GBF1: variants seen among roughly 807,000 people sequenced by gnomAD.
GBF1 encodes Golgi-specific brefeldin A-resistance guanine nucleotide exchange factor 1.
Under a neutral mutation model 210.5 loss-of-function variants are expected in GBF1, and 114 were observed. The observed-to-expected ratio is 0.54, with a 90% CI of 0.47 to 0.63. The LOEUF is 0.63. Ranked by LOEUF, GBF1 falls within the 30% of genes least tolerant of loss-of-function variation. GBF1 has a pLI of 0.00. For synonymous variants in GBF1, 850 were observed against 889.2 expected, an observed-to-expected ratio of 0.96 and a Z score of 0.78; for missense variants, 1,851 against 2,357.7, an observed-to-expected ratio of 0.79 and a Z score of 4.45.
intron 1 of GBF1, among the ~76,000 whole-genome samples, chr10:102,253,040 C>T (rs1278871001): frequency 1.3e-5 from 2 of 151,776 alleles, no homozygotes; most frequent in African/African-American, 4.8e-5. Context: ...GATTACAGGC[C>T]CCTGCCATCA....
chr10:102,375,033 G>T (rs1344020891), intron 29 of GBF1, among the ~76,000 whole-genome samples: 2 of 151,808 alleles, frequency 1.3e-5, no homozygotes, highest in African/African-American at 4.8e-5. Flanking sequence ...AATTAGCCAG[G>T]TGTGGTCACA....
At chr10:102,342,361 G>A (rs11191265) in intron 3 of GBF1, among the ~76,000 whole-genome samples, 17,419 of 151,406 alleles carry the variant, frequency 0.12, 1,263 homozygotes, top group East Asian at 0.26. Flanking sequence ...TTAAAAGTAC[G>A]TTATGTATTT....
intron 39 of GBF1, 150 bp from the exon 40 acceptor site, chr10:102,381,906 G>A (rs2060880893): frequency 1.9e-6 from 1 of 527,036 alleles, no homozygotes; most frequent in Non-Finnish European, 3.3e-6. Flanking sequence ...GTTTTGAGGG[G>A]AGACTCCCAA....
rs1565171852 is a variant in GBF1, at chr10:102,368,471, CT to C, written c.2879+19del. On this transcript the variant is annotated intron_variant, in intron 22 of 39. Coordinates refer to ENST00000369983, the MANE Select transcript of GBF1 (RefSeq NM_001377137.1). Reference sequence around the variant, plus strand: ...AGGCTTCAGGTAGCCCAGCTTTGGCCTTGGTCTTCACCTCCCACTAGCTCTG... The same window carrying C: ...AGGCTTCAGGTAGCCCAGCTTTGGCCTGGTCTTCACCTCCCACTAGCTCTG... 3.5e-6 allele frequency: 5 copies of C among 1,424,024 alleles called. No homozygotes were observed. The highest frequency in any genetic ancestry group is 3.3e-5 in the Admixed American group (2 of 59,822). The allele number at this position is 1,424,024 out of a possible 1,614,324, so 88.2% of individuals were successfully genotyped here.
intron 3 of GBF1, among the ~76,000 whole-genome samples, chr10:102,339,062 G>A (rs1490976374): frequency 6.6e-6 from 1 of 152,028 alleles, no homozygotes; most frequent in Non-Finnish European, 1.5e-5. Context: ...TCACACCACT[G>A]TTATTAAGAC....
intron 1 of GBF1, among the ~76,000 whole-genome samples, chr10:102,247,452 C>T (rs2070984771): frequency 6.6e-6 from 1 of 152,156 alleles, no homozygotes; most frequent in Admixed American, 6.5e-5. Flanking sequence ...AATGAAATGA[C>T]ATACCTCAGG....
At chr10:102,275,257 G>A (rs1444362758) in intron 3 of GBF1, among the ~76,000 whole-genome samples, 1 of 152,174 alleles carries the variant, frequency 6.6e-6, no homozygotes, top group African/African-American at 2.4e-5. Flanking sequence ...AATAACAAAA[G>A]TGTTTTTTAG....
At chr10:102,297,155 C>T (rs2076976962) in intron 3 of GBF1, among the ~76,000 whole-genome samples, 1 of 152,176 alleles carries the variant, frequency 6.6e-6, no homozygotes, top group Non-Finnish European at 1.5e-5. Flanking sequence ...ATTTGGTCCC[C>T]AAGTGACATT....
Position 102,370,825 on chromosome 10 carries a change from A to T in GBF1, c.3625A>T (p.Ile1209Phe). The T allele has an allele frequency of 6.2e-7, 1 of 1,614,152 alleles. No homozygotes were observed. Among genetic ancestry groups the T allele is most frequent in the Non-Finnish European group, 8.5e-7 (1 of 1,179,996 alleles). ...RAVVGLLRLAIRLLRREEISA... is the reference protein window; with the variant it reads ...RAVVGLLRLAFRLLRREEISA... ...AGTGGTGGGGTTGCTACGCCTGGCCATTCGGCTTCTCCGGAGAGAAGAGAT... is the reference window on the plus strand; with the variant it reads ...AGTGGTGGGGTTGCTACGCCTGGCCTTTCGGCTTCTCCGGAGAGAAGAGAT... Residue 1209 changes from isoleucine to phenylalanine, a missense_variant, in exon 29 of 40, where the codon ATT becomes TTT. By Grantham distance (21) the Ile-to-Phe change is conservative. Transcript: ENST00000369983.
At chr10:102,288,446 T>C (rs1241879109) in intron 3 of GBF1, among the ~76,000 whole-genome samples, 5 of 151,550 alleles carry the variant, frequency 3.3e-5, no homozygotes, top group Non-Finnish European at 7.4e-5. Flanking sequence ...GCGCGGTGGC[T>C]CACGCCTGTA....
chr10:102,379,448 G>A lies in GBF1; in HGVS notation c.4645+14G>A. 6.2e-7 allele frequency: 1 copy of A among 1,614,072 alleles called. No homozygotes were observed. Among genetic ancestry groups the A allele is most frequent in the Non-Finnish European group, 8.5e-7 (1 of 1,179,998 alleles). On this transcript the variant is annotated intron_variant, in intron 34 of 39. Transcript: ENST00000369983. Reference sequence around the variant, plus strand: ...CTTTACTGCAGGGTAAACCAGGAGGGGCAGAGGTAGGGAGTTTGGGGAGCA... The same window carrying A: ...CTTTACTGCAGGGTAAACCAGGAGGAGCAGAGGTAGGGAGTTTGGGGAGCA...
At chr10:102,359,702 G>A (rs2059485293) in intron 11 of GBF1, among the ~76,000 whole-genome samples, 1 of 151,388 alleles carries the variant, frequency 6.6e-6, no homozygotes, top group Non-Finnish European at 1.5e-5. Context: ...CAGAAAGGTA[G>A]GATCATCAAT....
chr10:102,307,724 G>A (rs1393926889), intron 3 of GBF1, among the ~76,000 whole-genome samples: 1 of 152,102 alleles, frequency 6.6e-6, no homozygotes. Flanking sequence ...CCGGGAGGCA[G>A]AGTTGCAACG....
chr10:102,366,653 C>T lies in GBF1; in HGVS notation c.2433+147C>T. The T allele has an allele frequency of 1.4e-6, 1 of 694,170 alleles. No homozygotes were observed. Among genetic ancestry groups the T allele is most frequent in the Non-Finnish European group, 2.3e-6 (1 of 430,850 alleles). The allele number at this position is 694,170 out of a possible 1,614,324, so 43.0% of individuals were successfully genotyped here. ...CCAGGCTGGAGTGCAGTAGCGCAGT[C>T]TCAGCACACTGCAACCTCCACCCCC... On this transcript the variant is annotated intron_variant, in intron 19 of 39. Transcript: ENST00000369983. This position sits in a 1 kb window ranked among gnomAD's most constrained non-coding sequence, Gnocchi z 4.0.
intron 3 of GBF1, among the ~76,000 whole-genome samples, chr10:102,301,797 A>T (rs1013817333): frequency 2.0e-5 from 3 of 150,176 alleles, no homozygotes; most frequent in Admixed American, 1.3e-4. Flanking sequence ...AGCTGGGCAG[A>T]GGGGCTCCTC....
intron 3 of GBF1, among the ~76,000 whole-genome samples, chr10:102,306,078 A>G (rs2077840814): frequency 6.6e-6 from 1 of 152,202 alleles, no homozygotes; most frequent in Non-Finnish European, 1.5e-5. Context: ...GATACCTAAG[A>G]AGAAGCCTGA....
rs751376850 is a variant in GBF1 at position 102,379,876 on chromosome 10, G to A, written c.4800G>A (p.Lys1600=). ...FNKVLFPLLT[K]LLENISPADV... Reference sequence around the variant, plus strand: ...AGGTGCTGTTTCCTCTACTTACCAAGCTCTTGGAGAACATCAGCCCTGCAG... The same window carrying A: ...AGGTGCTGTTTCCTCTACTTACCAAACTCTTGGAGAACATCAGCCCTGCAG... The change falls in exon 36 of 40, where the codon AAG becomes AAA. Residue 1600 remains lysine, a synonymous_variant. Coordinates refer to ENST00000369983, the MANE Select transcript of GBF1 (RefSeq NM_001377137.1). 6.2e-7 allele frequency: 1 copy of A among 1,613,590 alleles called. No individual in the cohort carries two copies. The highest frequency in any genetic ancestry group is 2.2e-5 in the East Asian group (1 of 44,876).
intron 3 of GBF1, among the ~76,000 whole-genome samples, chr10:102,323,366 A>G (rs2056607447): frequency 6.6e-6 from 1 of 152,004 alleles, no homozygotes; most frequent in African/African-American, 2.4e-5. Context: ...ACGAGATTCA[A>G]GGGGAGCAGA....
intron 3 of GBF1, among the ~76,000 whole-genome samples, chr10:102,281,934 T>C (rs942828984): frequency 4.7e-5 from 7 of 150,286 alleles, no homozygotes; most frequent in Non-Finnish European, 8.9e-5. Flanking sequence ...TCTTTTCTTT[T>C]TTTTTTTTTT....
Sources: gnomAD v4.1 joint callset for allele counts (sites outside exome capture counted in the v4.1 genomes callset) on GRCh38, gnomAD v4.1.1 for gene constraint, Gnocchi (gnomAD v3.1) non-coding constraint, MANE v1.5 for transcripts, NCBI Gene and HGNC (gene_info 2026-07-23, HGNC 2026-07-21) for gene names.